The following EXOC6B variants were observed in gnomAD, a reference collection of about 807,000 sequenced individuals.
The protein encoded by EXOC6B is exocyst complex component 6B.
EXOC6B carries 54 observed loss-of-function variants against 113.5 expected under a neutral mutation model. That is an observed-to-expected ratio of 0.48 (90% CI 0.38 to 0.60). EXOC6B has a LOEUF of 0.60. EXOC6B is among the 20% of genes least tolerant of loss of function. The pLI, the probability that EXOC6B is intolerant of heterozygous loss-of-function variation, is 0.00. For missense variants in EXOC6B, 797 were observed against 977.5 expected, an observed-to-expected ratio of 0.82 and a Z score of 2.46; for synonymous variants, 357 against 339.0, an observed-to-expected ratio of 1.05 and a Z score of -0.58.
At chr2:72,221,198 C>T (rs1257565201) in intron 20 of EXOC6B, among the ~76,000 whole-genome samples, 3 of 152,178 alleles carry the variant, frequency 2.0e-5, no homozygotes, top group Admixed American at 6.5e-5. Flanking sequence ...AACACAATGG[C>T]TTCTGTCAAA....
At chr2:72,263,586 A>G (rs1683867368) in intron 20 of EXOC6B, 1 of 152,234 alleles carries the variant, frequency 6.6e-6, no homozygotes, top group African/African-American at 2.4e-5. Context: ...GAAATCCAAA[A>G]GAGAAATATC....
At chr2:72,554,580 T>C (rs1294605672) in intron 8 of EXOC6B, among the ~76,000 whole-genome samples, 1 of 152,172 alleles carries the variant, frequency 6.6e-6, no homozygotes, top group Non-Finnish European at 1.5e-5. Context: ...CCCCTTCACC[T>C]TTCACCACAA....
chr2:72,264,719 G>A (rs1340301846), intron 20 of EXOC6B, among the ~76,000 whole-genome samples: 1 of 151,844 alleles, frequency 6.6e-6, no homozygotes, highest in Non-Finnish European at 1.5e-5. Context: ...TTTTCCCCAC[G>A]CTGTTCTCAT....
At chr2:72,566,299 G>A (rs1415339653) in intron 7 of EXOC6B, among the ~76,000 whole-genome samples, 2 of 152,000 alleles carry the variant, frequency 1.3e-5, no homozygotes, top group African/African-American at 4.8e-5. Flanking sequence ...TTTTGAACCT[G>A]GCTTCTTCCA....
intron 17 of EXOC6B, among the ~76,000 whole-genome samples, chr2:72,476,913 A>G (rs961309866): frequency 6.6e-6 from 1 of 152,032 alleles, no homozygotes; most frequent in Admixed American, 6.5e-5. Flanking sequence ...CTCTATATCC[A>G]TTCTCTGCCT....
In EXOC6B at chr2:72,381,038, A is replaced by T. The variant is rs117916326; in HGVS notation, c.1981-1168T>A. 2.3e-3 allele frequency among the ~76,000 whole-genome samples: 350 copies of T among 152,324 alleles called. 9 individuals carry two copies. In the East Asian group the frequency reaches 0.055, roughly 24 times the overall value. On this transcript the variant is annotated intron_variant, in intron 18 of 21. Coordinates refer to ENST00000272427, the MANE Select transcript of EXOC6B (RefSeq NM_015189.3). ...CCCTAAACATTACAAATACAGTTTA[A>T]GCCCCGGTGTGACCTCCTTAATCAT...
At chr2:72,431,644 ATTTT>A (rs928320558) in intron 18 of EXOC6B, among the ~76,000 whole-genome samples, 10 of 151,834 alleles carry the variant, frequency 6.6e-5, no homozygotes, top group Non-Finnish European at 1.5e-4. Context: ...ATCCAACTAA[ATTTT>A]TTTATTATTA....
chr2:72,272,130 A>G (rs1248286803), intron 20 of EXOC6B, among the ~76,000 whole-genome samples: 1 of 152,164 alleles, frequency 6.6e-6, no homozygotes, highest in Non-Finnish European at 1.5e-5. Flanking sequence ...GAGGTAAAAA[A>G]GTGAATCCAC....
At chr2:72,450,682 T>G (rs1027575454) in intron 18 of EXOC6B, among the ~76,000 whole-genome samples, 10 of 152,298 alleles carry the variant, frequency 6.6e-5, no homozygotes, top group Admixed American at 5.9e-4. Context: ...TCTCTTGACT[T>G]TCTACAGTTA....
At chr2:72,620,389 A>G (rs1036657451) in intron 6 of EXOC6B, among the ~76,000 whole-genome samples, 1 of 151,714 alleles carries the variant, frequency 6.6e-6, no homozygotes, top group African/African-American at 2.4e-5. Flanking sequence ...ACCACCATGC[A>G]CACATTTACC....
At chr2:72,461,891 A>T (rs1369593885) in intron 18 of EXOC6B, 1 of 152,098 alleles carries the variant, frequency 6.6e-6, no homozygotes, top group Non-Finnish European at 1.5e-5. Flanking sequence ...TTATAGTCAA[A>T]AATATCACAC....
chr2:72,709,799 T>C (rs1679152148), intron 6 of EXOC6B, among the ~76,000 whole-genome samples: 1 of 152,202 alleles, frequency 6.6e-6, no homozygotes, highest in African/African-American at 2.4e-5. Flanking sequence ...TTCTACGGTT[T>C]AGATTGCTTA....
chr2:72,766,278 C>T (rs1015543761), intron 1 of EXOC6B, among the ~76,000 whole-genome samples: 2 of 152,132 alleles, frequency 1.3e-5, no homozygotes, highest in Admixed American at 6.6e-5. Context: ...TACCATCTGC[C>T]TTACCAAAAG....
At chr2:72,508,428 T>C (rs1700725772) in intron 11 of EXOC6B, among the ~76,000 whole-genome samples, 1 of 152,054 alleles carries the variant, frequency 6.6e-6, no homozygotes, top group South Asian at 2.1e-4. Flanking sequence ...AATAAGGGGA[T>C]AAATAGCATA....
At chr2:72,193,890 C>G (rs569564672) in intron 20 of EXOC6B, among the ~76,000 whole-genome samples, 1 of 152,308 alleles carries the variant, frequency 6.6e-6, no homozygotes, top group South Asian at 2.1e-4. Flanking sequence ...AAACTAAAGT[C>G]ACCACCTGTT....
chr2:72,720,197 T>C (rs551855089), intron 5 of EXOC6B, among the ~76,000 whole-genome samples: 12 of 151,014 alleles, frequency 7.9e-5, no homozygotes, highest in African/African-American at 2.7e-4. Flanking sequence ...TAAAAATATA[T>C]AACACAAAAG....
chr2:72,493,327 C>A (rs1008865587), intron 15 of EXOC6B, among the ~76,000 whole-genome samples: 9 of 144,012 alleles, frequency 6.2e-5, no homozygotes, highest in East Asian at 2.0e-4. Flanking sequence ...TCTCCCCCCC[C>A]CCCCCCCGCA....
At chr2:72,396,791 C>A (rs1692756242) in intron 18 of EXOC6B, among the ~76,000 whole-genome samples, 4 of 152,076 alleles carry the variant, frequency 2.6e-5, no homozygotes, top group Admixed American at 6.5e-5. Flanking sequence ...GTAAAAAAAA[C>A]CCTGCCAAAT....
intron 1 of EXOC6B, among the ~76,000 whole-genome samples, chr2:72,770,277 A>G (rs917207970): frequency 6.6e-6 from 1 of 151,736 alleles, no homozygotes; most frequent in African/African-American, 2.4e-5. Context: ...AAAAGAGAGA[A>G]GATAGAAAGT....
Sources: gnomAD v4.1 joint callset for allele counts (sites outside exome capture counted in the v4.1 genomes callset) on GRCh38, gnomAD v4.1.1 for gene constraint, MANE v1.5 for transcripts, NCBI Gene and HGNC (gene_info 2026-07-23, HGNC 2026-07-21) for gene names.